Variants in GNA14 observed in about 807,000 individuals in gnomAD.
GNA14 encodes guanine nucleotide-binding protein subunit alpha-14.
Under a neutral mutation model 42.0 loss-of-function variants are expected in GNA14, and 50 were observed. The observed-to-expected ratio is 1.19, with a 90% confidence interval of 0.95 to 1.51. The LOEUF (loss-of-function observed/expected upper bound fraction) is 1.51. Among genes scored for constraint, GNA14 ranks in the 40% most tolerant of loss-of-function variants. The pLI, the probability that GNA14 is intolerant of heterozygous loss-of-function variation, is 0.00. For synonymous variants in GNA14, 173 were observed against 163.1 expected, an observed-to-expected ratio of 1.06 and a Z score of -0.46; for missense variants, 473 against 446.2, an observed-to-expected ratio of 1.06 and a Z score of -0.54.
At chr9:77,632,545 G>A (rs1824115724) in intron 1 of GNA14, among the ~76,000 whole-genome samples, 1 of 152,196 alleles carries the variant, frequency 6.6e-6, no homozygotes, top group African/African-American at 2.4e-5. Context: ...GGACAAAGAG[G>A]AGAGAAGAGC....
intron 1 of GNA14, among the ~76,000 whole-genome samples, chr9:77,586,577 G>A (rs1439072364): frequency 6.6e-6 from 1 of 152,206 alleles, no homozygotes; most frequent in Non-Finnish European, 1.5e-5. Flanking sequence ...CTTAATAGGC[G>A]AAAGAAAGAG....
intron 2 of GNA14, among the ~76,000 whole-genome samples, chr9:77,513,154 G>C (rs1237925857): frequency 6.6e-6 from 1 of 152,216 alleles, no homozygotes; most frequent in Non-Finnish European, 1.5e-5. Context: ...CAGGAATAGA[G>C]AATCCAAGAC....
chr9:77,452,584 AT>A (rs1283133681), intron 2 of GNA14, among the ~76,000 whole-genome samples: 4 of 2,496 alleles, frequency 1.6e-3, no homozygotes, highest in Non-Finnish European at 2.2e-3. Flanking sequence ...GTGCATGTGT[AT>A]GTGTGTGTGT....
At chr9:77,591,128 G>T (rs1823384528) in intron 1 of GNA14, among the ~76,000 whole-genome samples, 1 of 152,176 alleles carries the variant, frequency 6.6e-6, no homozygotes, top group African/African-American at 2.4e-5. Flanking sequence ...CTGAAATACT[G>T]CATTTTCAGG....
At chr9:77,601,480 A>G (rs1322421905) in intron 1 of GNA14, among the ~76,000 whole-genome samples, 3 of 152,250 alleles carry the variant, frequency 2.0e-5, no homozygotes, top group Non-Finnish European at 4.4e-5. Flanking sequence ...TTAGGAATGA[A>G]GAGTTCCAGT....
intron 1 of GNA14, among the ~76,000 whole-genome samples, chr9:77,536,694 C>T (rs536935150): frequency 3.9e-5 from 6 of 152,252 alleles, no homozygotes; most frequent in East Asian, 1.9e-4. Context: ...ATCTTTATTG[C>T]CTAACCAAGA....
intron 1 of GNA14, among the ~76,000 whole-genome samples, chr9:77,618,797 C>T (rs1823875465): frequency 6.8e-6 from 1 of 147,090 alleles, no homozygotes; most frequent in African/African-American, 2.5e-5. Context: ...CTACGCCCGG[C>T]TAATTTTTTG....
At chr9:77,514,585 A>G (rs1278412940) in intron 2 of GNA14, among the ~76,000 whole-genome samples, 1 of 151,952 alleles carries the variant, frequency 6.6e-6, no homozygotes, top group East Asian at 1.9e-4. Context: ...GAAGGTGTCA[A>G]AGAAAGTCTT....
chr9:77,560,860 A>G (rs964226232), intron 1 of GNA14, among the ~76,000 whole-genome samples: 4 of 152,252 alleles, frequency 2.6e-5, no homozygotes, highest in Admixed American at 2.0e-4. Flanking sequence ...GAAAAAAAAA[A>G]GAGTCCTTTA....
At chr9:77,465,522 G>T (rs937716875) in intron 2 of GNA14, among the ~76,000 whole-genome samples, 9 of 152,074 alleles carry the variant, frequency 5.9e-5, no homozygotes, top group African/African-American at 1.9e-4. Context: ...CCTAGGAGTA[G>T]AATTGCTGCG....
chr9:77,625,493 G>A (rs921325096), intron 1 of GNA14, among the ~76,000 whole-genome samples: 9 of 152,042 alleles, frequency 5.9e-5, no homozygotes, highest in Non-Finnish European at 1.0e-4. Context: ...GAGAAAGGTC[G>A]GGTTACCCAC....
chr9:77,423,276 T>G lies in GNA14; in HGVS notation c.*703A>C, dbSNP rs1162598. ...GTAAAAATGTACACACACACACACG[T>G]GCACACACACACATTTTTCACCAAT... On this transcript the variant is annotated 3_prime_UTR_variant, in exon 7 of 7. Transcript: ENST00000341700. 2 of 152,146 alleles carry G rather than the reference T, an allele frequency of 1.3e-5. No individual in the cohort carries two copies. The highest frequency in any genetic ancestry group is 4.8e-5 in the African/African-American group (2 of 41,492). 9.4% of individuals were successfully genotyped at this position (152,146 alleles called of 1,614,324 possible). A position where few individuals can be genotyped will look rare whatever the true frequency, so the allele number is the denominator to read the frequency against.
intron 2 of GNA14, among the ~76,000 whole-genome samples, chr9:77,455,880 C>T (rs1835989933): frequency 6.6e-6 from 1 of 152,092 alleles, no homozygotes; most frequent in Admixed American, 6.6e-5. Context: ...CTTACAATAC[C>T]TGTGTTTCAT....
chr9:77,463,798 A>G (rs575693585), intron 2 of GNA14, among the ~76,000 whole-genome samples: 1 of 152,320 alleles, frequency 6.6e-6, no homozygotes, highest in South Asian at 2.1e-4. Context: ...GCAGCTTGGA[A>G]GTTGGACAGA....
At chr9:77,540,543 T>C (rs879400801) in intron 1 of GNA14, among the ~76,000 whole-genome samples, 1 of 152,196 alleles carries the variant, frequency 6.6e-6, no homozygotes, top group Non-Finnish European at 1.5e-5. Context: ...TCTGTCTTCA[T>C]GGTCTGTCTA....
intron 1 of GNA14, among the ~76,000 whole-genome samples, chr9:77,644,955 A>G: frequency 6.6e-6 from 1 of 152,218 alleles, no homozygotes; most frequent in East Asian, 1.9e-4. Context: ...TCTTTCTACT[A>G]AATTCAACCA....
rs115362045 is a variant in GNA14, at chr9:77,498,938, T to C, written c.309+30131A>G. On this transcript the variant is annotated intron_variant, in intron 2 of 6. Coordinates refer to ENST00000341700, the MANE Select transcript of GNA14 (RefSeq NM_004297.4). ...CTGGGCATAAAAGTATCCAGCTAAA[T>C]CCACACACTGGTTAAGAAATGCTAA... Among the ~76,000 whole-genome samples, 427 of 152,282 alleles carry C rather than the reference T, an allele frequency of 2.8e-3. 4 individuals are homozygous for C. Among genetic ancestry groups the C allele is most frequent in the African/African-American group, 9.6e-3 (399 of 41,552 alleles).
chr9:77,481,981 G>C (rs1374491674), intron 2 of GNA14, among the ~76,000 whole-genome samples: 2 of 152,146 alleles, frequency 1.3e-5, no homozygotes, highest in East Asian at 3.9e-4. Flanking sequence ...ACAGCACACT[G>C]ATGGGTCTTG....
rs764737417 is a variant in GNA14 at position 77,644,437 on chromosome 9, C to CAAAAAAAAAAAAAAA, written c.124+3218_124+3232dup. 1.4e-3 allele frequency among the ~76,000 whole-genome samples: 47 copies of CAAAAAAAAAAAAAAA among 34,022 alleles called. 4 individuals are homozygous for CAAAAAAAAAAAAAAA. The highest frequency in any genetic ancestry group is 2.8e-3 in the African/African-American group (24 of 8,580). The allele number at this position is 34,022 out of a possible 152,430, so 22.3% of individuals were successfully genotyped here. A position where few individuals can be genotyped will look rare whatever the true frequency, so the allele number is the denominator to read the frequency against. On this transcript the variant is annotated intron_variant, in intron 1 of 6. Coordinates refer to ENST00000341700, the MANE Select transcript of GNA14 (RefSeq NM_004297.4). Reference sequence around the variant, plus strand: ...TACTGAACTCCAACCTAAAGAGTGTCAAAAAAAAAAAAAAAAAAAAAAAAA... The same window carrying CAAAAAAAAAAAAAAA: ...TACTGAACTCCAACCTAAAGAGTGTCAAAAAAAAAAAAAAAAAAAAAAAAAAAAAAAAAAAAAAAA...
Sources: gnomAD v4.1 joint callset for allele counts (sites outside exome capture counted in the v4.1 genomes callset) on GRCh38, gnomAD v4.1.1 for gene constraint, MANE v1.5 for transcripts, NCBI Gene and HGNC (gene_info 2026-07-23, HGNC 2026-07-21) for gene names.